The following GPC6 variants were observed in gnomAD, a reference collection of about 807,000 sequenced individuals.
The protein encoded by GPC6 is glypican 6, also known as glypican-6.
GPC6 carries 14 observed loss-of-function variants against 55.2 expected under a neutral mutation model. That is an observed-to-expected ratio of 0.25 (90% CI 0.17 to 0.40). The LOEUF is 0.40. Ranked by LOEUF, GPC6 falls within the 10% of genes least tolerant of loss-of-function variation. GPC6 has a pLI of 1.00. For missense variants in GPC6, 641 were observed against 708.5 expected, an observed-to-expected ratio of 0.90 and a Z score of 1.08; for synonymous variants, 278 against 259.6, an observed-to-expected ratio of 1.07 and a Z score of -0.68.
intron 3 of GPC6, among the ~76,000 whole-genome samples, chr13:94,004,851 G>A (rs549711281): frequency 6.6e-6 from 1 of 152,188 alleles, no homozygotes; most frequent in African/African-American, 2.4e-5. Flanking sequence ...GAAGTCAGGA[G>A]TTTGAGACCA....
intron 2 of GPC6, among the ~76,000 whole-genome samples, chr13:93,702,231 C>T (rs1311045443): frequency 3.3e-5 from 5 of 152,012 alleles, no homozygotes; most frequent in Non-Finnish European, 7.4e-5. Flanking sequence ...TTACACATCT[C>T]CACCAGAGCT....
At chr13:93,931,386 C>A (rs138882795) in intron 3 of GPC6, among the ~76,000 whole-genome samples, 1 of 146,712 alleles carries the variant, frequency 6.8e-6, no homozygotes, top group Admixed American at 6.9e-5. Flanking sequence ...GGCATGGATT[C>A]GGTTCCAAAT....
At chr13:93,469,208 T>G (rs909663263) in intron 1 of GPC6, among the ~76,000 whole-genome samples, 2 of 152,226 alleles carry the variant, frequency 1.3e-5, no homozygotes, top group African/African-American at 4.8e-5. Flanking sequence ...TAATTTTGAA[T>G]GAATTATTGA....
At chr13:94,323,124 G>T (rs1261901726) in intron 6 of GPC6, among the ~76,000 whole-genome samples, 2 of 152,172 alleles carry the variant, frequency 1.3e-5, no homozygotes, top group African/African-American at 4.8e-5. Context: ...GTCTAGGGAT[G>T]TGGCTCCCTT....
At chr13:93,802,315 CTGTTATTT>C (rs1886400439) in intron 2 of GPC6, among the ~76,000 whole-genome samples, 1 of 151,960 alleles carries the variant, frequency 6.6e-6, no homozygotes, top group Non-Finnish European at 1.5e-5. Flanking sequence ...GGATACTCAA[CTGTTATTT>C]TTGCTATCAC....
intron 2 of GPC6, among the ~76,000 whole-genome samples, chr13:93,601,620 G>C (rs762068039): frequency 2.6e-5 from 4 of 152,120 alleles, no homozygotes; most frequent in Non-Finnish European, 5.9e-5. Flanking sequence ...AAAAAGCTTT[G>C]CAGTTCTCAT....
At chr13:94,266,154 T>C (rs977462027) in intron 4 of GPC6, among the ~76,000 whole-genome samples, 3 of 122,220 alleles carry the variant, frequency 2.5e-5, no homozygotes, top group African/African-American at 6.0e-5. Context: ...TTCTTTTCTT[T>C]TTTTTTTTTG....
chr13:93,485,396 C>T (rs1019649916), intron 1 of GPC6, among the ~76,000 whole-genome samples: 1 of 152,190 alleles, frequency 6.6e-6, no homozygotes, highest in Non-Finnish European at 1.5e-5. Flanking sequence ...CCCATTAGAT[C>T]TGATGACCAG....
At chr13:94,087,035 A>G (rs1453779057) in intron 4 of GPC6, among the ~76,000 whole-genome samples, 1 of 152,190 alleles carries the variant, frequency 6.6e-6, no homozygotes, top group Non-Finnish European at 1.5e-5. Flanking sequence ...ACTTTTAATT[A>G]TTAACTAGAC....
intron 3 of GPC6, among the ~76,000 whole-genome samples, chr13:93,921,236 G>C (rs911172921): frequency 6.6e-6 from 1 of 152,052 alleles, no homozygotes; most frequent in African/African-American, 2.4e-5. Context: ...TGCGGGAGTC[G>C]GGCCAAGTGC....
chr13:93,768,796 GA>G (rs1473478465), intron 2 of GPC6, among the ~76,000 whole-genome samples: 12 of 152,146 alleles, frequency 7.9e-5, no homozygotes, highest in African/African-American at 2.9e-4. Flanking sequence ...AACTAATGTT[GA>G]AAATAGTACA....
chr13:94,240,543 G>A (rs941316293), intron 4 of GPC6, among the ~76,000 whole-genome samples: 1 of 152,040 alleles, frequency 6.6e-6, no homozygotes, highest in South Asian at 2.1e-4. Flanking sequence ...CACAGCTGTA[G>A]AAGTTGGAGA....
At chr13:93,446,380 G>A (rs1228386828) in intron 1 of GPC6, among the ~76,000 whole-genome samples, 1 of 151,314 alleles carries the variant, frequency 6.6e-6, no homozygotes, top group Non-Finnish European at 1.5e-5. Context: ...TCTTTGTTAG[G>A]TAATTTGAGC....
intron 2 of GPC6, among the ~76,000 whole-genome samples, chr13:93,706,690 G>A (rs1199371801): frequency 1.3e-5 from 2 of 151,810 alleles, no homozygotes; most frequent in Admixed American, 6.6e-5. Context: ...AAGAACCCAG[G>A]AGTTGGGGTC....
At chr13:93,246,542 A>G (rs192041894) in intron 1 of GPC6, among the ~76,000 whole-genome samples, 1 of 152,020 alleles carries the variant, frequency 6.6e-6, no homozygotes, top group Non-Finnish European at 1.5e-5. Context: ...GATGAGAATA[A>G]CTCAAAGTCA....
intron 4 of GPC6, among the ~76,000 whole-genome samples, chr13:94,050,863 G>C (rs1451079161): frequency 6.6e-6 from 1 of 152,124 alleles, no homozygotes; most frequent in Non-Finnish European, 1.5e-5. Flanking sequence ...GTGCCTACCA[G>C]TAAGAGGCAA....
intron 4 of GPC6, among the ~76,000 whole-genome samples, chr13:94,133,775 T>A (rs1344200445): frequency 6.6e-6 from 1 of 151,996 alleles, no homozygotes; most frequent in African/African-American, 2.4e-5. Context: ...AAACATTTCA[T>A]GGATTACTGA....
At chr13:93,571,022 T>C (rs1402757807) in intron 2 of GPC6, among the ~76,000 whole-genome samples, 2 of 152,112 alleles carry the variant, frequency 1.3e-5, no homozygotes, top group Non-Finnish European at 2.9e-5. Flanking sequence ...GTGTAGTGTT[T>C]GTCTTATTAC....
chr13:93,595,169 G>A (rs1877670912), intron 2 of GPC6, among the ~76,000 whole-genome samples: 1 of 152,092 alleles, frequency 6.6e-6, no homozygotes, highest in African/African-American at 2.4e-5. Flanking sequence ...TATTAAACCT[G>A]ATAGTTAAAT....
Sources: gnomAD v4.1 joint callset for allele counts (sites outside exome capture counted in the v4.1 genomes callset) on GRCh38, gnomAD v4.1.1 for gene constraint, MANE v1.5 for transcripts, NCBI Gene and HGNC (gene_info 2026-07-23, HGNC 2026-07-21) for gene names.